Variants in FSD1L observed in about 807,000 individuals in gnomAD.
The protein encoded by FSD1L is fibronectin type III and SPRY domain containing 1 like.
In FSD1L, 45 loss-of-function variants were observed where a neutral mutation model predicts 71.6. The observed-to-expected ratio is 0.63, with a 90% CI of 0.49 to 0.81. The LOEUF (loss-of-function observed/expected upper bound fraction) is 0.81, where lower values mean the gene tolerates loss of function less well. FSD1L is among the 30% of genes least tolerant of loss of function. FSD1L has a pLI of 0.00. For synonymous variants in FSD1L, 197 were observed against 207.2 expected (o/e 0.95, Z 0.42); for missense variants, 561 against 618.1 (o/e 0.91, Z 0.98).
At chr9:105,452,980 A>G (rs112642375) in intron 1 of FSD1L, among the ~76,000 whole-genome samples, 3,697 of 141,528 alleles carry the variant, frequency 0.026, 176 homozygotes, top group African/African-American at 0.093. Flanking sequence ...CAAACGATTG[A>G]CCCGCCTTGG....
At chr9:105,443,300 A>G (rs992900340), upstream of FSD1L, among the ~76,000 whole-genome samples, 1 of 152,226 alleles carries the variant, frequency 6.6e-6, no homozygotes, top group Admixed American at 6.5e-5. Context: ...CGAAAGGCAC[A>G]TCCTACATTG....
chr9:105,545,651 T>G (rs539529751), intron 13 of FSD1L, among the ~76,000 whole-genome samples: 5 of 151,392 alleles, frequency 3.3e-5, no homozygotes, highest in African/African-American at 1.2e-4. Flanking sequence ...CGAATTTTGG[T>G]AAAGGCCTTT....
chr9:105,446,823 C>T (rs1829663399), upstream of FSD1L, among the ~76,000 whole-genome samples: 1 of 151,036 alleles, frequency 6.6e-6, no homozygotes, highest in Non-Finnish European at 1.5e-5. Flanking sequence ...AATAGGTACT[C>T]AATATGTATT....
At chr9:105,457,776 C>A (rs527386754) in intron 1 of FSD1L, among the ~76,000 whole-genome samples, 1 of 152,292 alleles carries the variant, frequency 6.6e-6, no homozygotes, top group African/African-American at 2.4e-5. Context: ...GGTGTGTGAG[C>A]GAGCGAGTGA....
At chr9:105,534,922 A>G (rs1836168155) in intron 11 of FSD1L, 145 bp from the exon 12 acceptor site, 1 of 736,910 alleles carries the variant, frequency 1.4e-6, no homozygotes, top group Non-Finnish European at 2.2e-6. Context: ...CTCAGCATTT[A>G]ATGTCTGTGT....
intron 10 of FSD1L, among the ~76,000 whole-genome samples, chr9:105,518,999 A>G (rs1273123840): frequency 1.3e-5 from 2 of 152,260 alleles, no homozygotes; most frequent in East Asian, 3.8e-4. Flanking sequence ...CCACAGAAAT[A>G]CAAACTACCA....
At chr9:105,443,667 C>T (rs1347682032), upstream of FSD1L, among the ~76,000 whole-genome samples, 1 of 152,130 alleles carries the variant, frequency 6.6e-6, no homozygotes, top group African/African-American at 2.4e-5. Context: ...CATGGTGGCT[C>T]ATGCCTATAT....
At chr9:105,518,155 A>G (rs56134629) in intron 10 of FSD1L, among the ~76,000 whole-genome samples, 16,641 of 152,240 alleles carry the variant, frequency 0.11, 1,185 homozygotes, top group Admixed American at 0.21. Flanking sequence ...ACCCAGATTC[A>G]TAAAGCAAGT....
chr9:105,450,492 A>AT (rs1415187248), intron 1 of FSD1L, among the ~76,000 whole-genome samples: 1 of 151,924 alleles, frequency 6.6e-6, no homozygotes, highest in Admixed American at 6.6e-5. Context: ...AGAGATAACA[A>AT]TAATTGTAAT....
intron 10 of FSD1L, chr9:105,523,502 A>G (rs1292267057): frequency 1.6e-5 from 26 of 1,612,958 alleles, no homozygotes; most frequent in Non-Finnish European, 2.2e-5. Context: ...ATCCTGAAAT[A>G]CATGCTCAAG....
intron 5 of FSD1L, among the ~76,000 whole-genome samples, chr9:105,478,689 A>G (rs1161625461): frequency 6.6e-6 from 1 of 152,120 alleles, no homozygotes; most frequent in African/African-American, 2.4e-5. Flanking sequence ...CAAAAGAGAT[A>G]CCTTATATAT....
In FSD1L at chr9:105,549,032, T is replaced by G. The variant is rs1237124015; in HGVS notation, c.*2549T>G. Reference sequence around the variant, plus strand: ...TACTATATAATATTCTCAATTACATTTGAATTTAAAAATATTGAGCTCTTG... The same window carrying G: ...TACTATATAATATTCTCAATTACATGTGAATTTAAAAATATTGAGCTCTTG... On this transcript the variant is annotated 3_prime_UTR_variant, in exon 14 of 14. Coordinates refer to ENST00000481272, the MANE Select transcript of FSD1L (RefSeq NM_001145313.3). 1 of 152,054 alleles carries G rather than the reference T, an allele frequency of 6.6e-6. No homozygotes were observed. The highest frequency in any genetic ancestry group is 2.4e-5 in the African/African-American group (1 of 41,428). 9.4% of individuals were successfully genotyped at this position (152,054 alleles called of 1,614,324 possible).
chr9:105,534,296 T>C (rs17308339), intron 10 of FSD1L, among the ~76,000 whole-genome samples, 197 bp from the exon 11 acceptor site: 42,047 of 152,046 alleles, frequency 0.28, 6,054 homozygotes, highest in Non-Finnish European at 0.31. Context: ...CTGCTTTGTA[T>C]TGATAGCTTC....
intron 5 of FSD1L, among the ~76,000 whole-genome samples, chr9:105,477,338 T>A (rs1225595866): frequency 6.6e-6 from 1 of 152,196 alleles, no homozygotes; most frequent in East Asian, 1.9e-4. Context: ...GCTTTTGTTA[T>A]TGGGCAAGTT....
At chr9:105,479,595 T>C (rs1460603500) in intron 6 of FSD1L, among the ~76,000 whole-genome samples, 2 of 152,244 alleles carry the variant, frequency 1.3e-5, no homozygotes, top group Non-Finnish European at 2.9e-5. Context: ...CAGAAGAATT[T>C]CATTTCTGGT....
intron 10 of FSD1L, among the ~76,000 whole-genome samples, chr9:105,516,202 T>C (rs1160760306): frequency 3.3e-5 from 5 of 152,176 alleles, no homozygotes; most frequent in African/African-American, 4.8e-5. Flanking sequence ...CAGGGACTTA[T>C]AGATAAAACC....
intron 4 of FSD1L, among the ~76,000 whole-genome samples, chr9:105,470,600 T>C (rs1203968947): frequency 2.6e-5 from 4 of 152,246 alleles, no homozygotes; most frequent in Non-Finnish European, 4.4e-5. Flanking sequence ...ATTTGAGTTA[T>C]AGATATCTTT....
intron 1 of FSD1L, among the ~76,000 whole-genome samples, chr9:105,452,500 C>G (rs1186907727): frequency 6.6e-6 from 1 of 152,124 alleles, no homozygotes; most frequent in African/African-American, 2.4e-5. Flanking sequence ...TTCATTACCA[C>G]GCTTCTTGCC....
chr9:105,492,063 A>G (rs893152200), intron 7 of FSD1L, among the ~76,000 whole-genome samples: 2 of 151,998 alleles, frequency 1.3e-5, no homozygotes, highest in East Asian at 3.8e-4. Flanking sequence ...GAATAGTTTC[A>G]GAAGGAATGG....
Sources: allele counts gnomAD v4.1 joint callset (sites outside exome capture counted in the v4.1 genomes callset), GRCh38; gene constraint gnomAD v4.1.1; transcripts MANE v1.5; gene names NCBI Gene and HGNC (gene_info 2026-07-23, HGNC 2026-07-21).